MAST2: variants seen among roughly 807,000 people sequenced by gnomAD.
The protein encoded by MAST2 is microtubule-associated serine/threonine-protein kinase 2.
Under a neutral mutation model 147.4 loss-of-function variants are expected in MAST2, and 70 were observed. The observed-to-expected ratio is 0.47, with a 90% CI of 0.39 to 0.58. The LOEUF is 0.58. Ranked by LOEUF, MAST2 falls within the 20% of genes least tolerant of loss-of-function variation. The pLI, the probability that MAST2 is intolerant of heterozygous loss-of-function variation, is 0.00. For synonymous variants in MAST2, 869 were observed against 896.8 expected (o/e 0.97, Z 0.55); for missense variants, 2,080 against 2,302.3 (o/e 0.90, Z 1.98).
intron 6 of MAST2, chr1:46,001,019 C>T: frequency 7.8e-7 from 1 of 1,275,874 alleles, no homozygotes; most frequent in African/African-American, 1.5e-5. Context: ...TGGGAAACTG[C>T]TATGCATGGC....
In MAST2 at chr1:46,030,706, G is replaced by T. The variant is rs371392889; in HGVS notation, c.2653G>T (p.Gly885Cys). 250 of 1,603,616 alleles carry T rather than the reference G, an allele frequency of 1.6e-4. No individual in the cohort carries two copies. Among genetic ancestry groups the T allele is most frequent in the Non-Finnish European group, 1.9e-4 (221 of 1,176,676 alleles). ...LSEEKEDHSD[G>C]LAGLKGRDRS... ...TGAGGAGAAGGAGGACCATTCAGATGGCCTGGCAGGGCTCAAAGGCCGAGA... is the reference window on the plus strand; with the variant it reads ...TGAGGAGAAGGAGGACCATTCAGATTGCCTGGCAGGGCTCAAAGGCCGAGA... Residue 885 changes from glycine to cysteine, a missense_variant, in exon 22 of 29, where the codon GGC becomes TGC. Physicochemically the swap from Gly to Cys is radical, Grantham distance 159. This residue lies in a region of MAST2 where 1,278 missense variants were observed against 1,304.2 expected (regional missense o/e 0.98). Transcript: ENST00000361297.
At chr1:45,979,886 A>C (rs1451358092) in intron 5 of MAST2, among the ~76,000 whole-genome samples, 1 of 152,242 alleles carries the variant, frequency 6.6e-6, no homozygotes, top group Non-Finnish European at 1.5e-5. Context: ...TCACTGATGC[A>C]GCTGGAGGCT....
chr1:45,882,033 A>AAAAT, intron 3 of MAST2, among the ~76,000 whole-genome samples: 1 of 142,952 alleles, frequency 7.0e-6, no homozygotes, highest in Non-Finnish European at 1.5e-5. Context: ...AAAAAAAAAA[A>AAAAT]AAAAAAAAAT....
At chr1:45,985,191 C>T (rs956486542) in intron 5 of MAST2, among the ~76,000 whole-genome samples, 1 of 151,912 alleles carries the variant, frequency 6.6e-6, no homozygotes, top group Non-Finnish European at 1.5e-5. Context: ...AAACCTCAAC[C>T]TCAACCTCCT....
intron 4 of MAST2, among the ~76,000 whole-genome samples, chr1:45,889,100 C>T (rs1647269398): frequency 6.6e-6 from 1 of 152,184 alleles, no homozygotes; most frequent in African/African-American, 2.4e-5. Flanking sequence ...TGCTCACCCT[C>T]AGTCTACCTA....
chr1:45,987,770 TTTTTTGA>T (rs1644691261), intron 5 of MAST2, among the ~76,000 whole-genome samples: 2 of 128,404 alleles, frequency 1.6e-5, no homozygotes, highest in Admixed American at 8.9e-5. Context: ...TTGTTTTTTT[TTTTTTGA>T]TTTTTTTTTT....
chr1:45,811,656 C>CAT (rs1644305132), intron 1 of MAST2, among the ~76,000 whole-genome samples: 1 of 116,876 alleles, frequency 8.6e-6, no homozygotes, highest in South Asian at 2.7e-4. Context: ...TTTTTTGACA[C>CAT]AGAGTCTCAC....
intron 1 of MAST2, among the ~76,000 whole-genome samples, chr1:45,804,734 G>GT (rs1483107484): frequency 6.6e-6 from 1 of 152,218 alleles, no homozygotes; most frequent in East Asian, 1.9e-4. Context: ...TATTCATGGA[G>GT]TTTCTGAATG....
chr1:46,014,739 C>T (rs1254554846), intron 10 of MAST2, among the ~76,000 whole-genome samples: 3 of 152,066 alleles, frequency 2.0e-5, no homozygotes, highest in Non-Finnish European at 4.4e-5. Flanking sequence ...GACTTTAACA[C>T]CCCACTGTCA....
chr1:45,869,181 A>G (rs1646280548), intron 3 of MAST2, among the ~76,000 whole-genome samples: 1 of 152,036 alleles, frequency 6.6e-6, no homozygotes, highest in Non-Finnish European at 1.5e-5. Context: ...GATAATCCCC[A>G]TGCAGTTAAA....
intron 5 of MAST2, among the ~76,000 whole-genome samples, chr1:45,992,574 A>G (rs1166643065): frequency 6.6e-6 from 1 of 152,188 alleles, no homozygotes. Flanking sequence ...TCATGTTACA[A>G]TCATCTTTGC....
chr1:45,960,044 A>G (rs1179942172), intron 5 of MAST2, among the ~76,000 whole-genome samples: 3 of 152,178 alleles, frequency 2.0e-5, no homozygotes, highest in Non-Finnish European at 4.4e-5. Flanking sequence ...TACTGGGATT[A>G]TAGGTGTGAG....
chr1:45,806,894 G>A (rs1249469313), intron 1 of MAST2, among the ~76,000 whole-genome samples: 1 of 152,014 alleles, frequency 6.6e-6, no homozygotes, highest in Admixed American at 6.6e-5. Flanking sequence ...TTTTTGTAGA[G>A]GTGGTATCTT....
chr1:45,995,552 A>G (rs1645023040), intron 5 of MAST2, among the ~76,000 whole-genome samples: 1 of 152,128 alleles, frequency 6.6e-6, no homozygotes, highest in Non-Finnish European at 1.5e-5. Flanking sequence ...AGCTCTAGAG[A>G]TCCACGCTGC....
At chr1:45,933,941 A>T (rs1230328193) in intron 4 of MAST2, among the ~76,000 whole-genome samples, 2 of 150,530 alleles carry the variant, frequency 1.3e-5, no homozygotes, top group Non-Finnish European at 2.9e-5. Flanking sequence ...CTTTAGGGTC[A>T]GGGGGTATTG....
intron 3 of MAST2, among the ~76,000 whole-genome samples, chr1:45,830,257 C>T (rs1203126456): frequency 6.7e-6 from 1 of 149,444 alleles, no homozygotes; most frequent in East Asian, 2.0e-4. Context: ...TCACTGCAAC[C>T]TCTGTCTCCC....
intron 3 of MAST2, among the ~76,000 whole-genome samples, chr1:45,860,538 C>T (rs994901537): frequency 1.3e-5 from 2 of 151,994 alleles, no homozygotes; most frequent in Admixed American, 6.6e-5. Context: ...CAGTATACAT[C>T]TTACTACTCT....
At chr1:45,839,025 G>C (rs189820412) in intron 3 of MAST2, among the ~76,000 whole-genome samples, 1 of 152,016 alleles carries the variant, frequency 6.6e-6, no homozygotes, top group Non-Finnish European at 1.5e-5. Context: ...CCAGGCTGGA[G>C]TATAGGGGTG....
intron 4 of MAST2, among the ~76,000 whole-genome samples, chr1:45,956,845 G>A (rs1395800233): frequency 6.6e-6 from 1 of 152,154 alleles, no homozygotes; most frequent in Non-Finnish European, 1.5e-5. Flanking sequence ...GCCTAGTTGA[G>A]CACAGTTCAT....
Sources: gnomAD v4.1 joint callset for allele counts (sites outside exome capture counted in the v4.1 genomes callset) on GRCh38, gnomAD v4.1.1 for gene constraint, gnomAD v4.1.1 regional missense constraint, MANE v1.5 for transcripts, NCBI Gene and HGNC (gene_info 2026-07-23, HGNC 2026-07-21) for gene names.